The following CLEC17A variants were observed in gnomAD, a reference collection of about 807,000 sequenced individuals.
The protein encoded by CLEC17A is C-type lectin domain containing 17A.
Under a neutral mutation model 61.3 loss-of-function variants are expected in CLEC17A, and 37 were observed. The observed-to-expected ratio is 0.60, with a 90% CI of 0.46 to 0.79. CLEC17A has a LOEUF of 0.79. Among genes scored for constraint, CLEC17A ranks in the 30% least tolerant of loss-of-function variants. The pLI, the probability that CLEC17A is intolerant of heterozygous loss-of-function variation, is 0.00. For missense variants in CLEC17A, 418 were observed against 464.7 expected (o/e 0.90, Z 0.92); for synonymous variants, 168 against 164.9 (o/e 1.02, Z -0.14).
Position 14,608,622 on chromosome 19 carries a change from G to A in CLEC17A, c.1005-1442G>A, listed in dbSNP as rs536104429. 1.6e-4 allele frequency among the ~76,000 whole-genome samples: 24 copies of A among 149,356 alleles called. No individual in the cohort carries two copies. In the South Asian group the frequency reaches 4.9e-3, roughly 30 times the overall value. On this transcript the variant is annotated intron_variant, in intron 13 of 13. Coordinates refer to ENST00000417570, the MANE Select transcript of CLEC17A (RefSeq NM_001204118.2). ...GAAAAAAGGGAGGGTGGAAGGATGAGGAAGAATTTTTTTTTTTTTTTTTTT... is the reference window on the plus strand; with the variant it reads ...GAAAAAAGGGAGGGTGGAAGGATGAAGAAGAATTTTTTTTTTTTTTTTTTT...
intron 11 of CLEC17A, 55 bp from the exon 12 acceptor site, chr19:14,599,976 A>G (rs199743281): frequency 5.0e-6 from 8 of 1,599,182 alleles, no homozygotes; most frequent in East Asian, 4.5e-5. Context: ...ATGGCATACT[A>G]TGTACATGGC....
chr19:14,587,795 C>T (rs2074321044), intron 3 of CLEC17A, 104 bp downstream of exon 3: 1 of 1,552,928 alleles, frequency 6.4e-7, no homozygotes, highest in East Asian at 2.4e-5. Flanking sequence ...CCTCTCTACA[C>T]AGCCCATGCC....
chr19:14,583,294 C>G (rs1396480044), intron 1 of CLEC17A, 63 bp from the exon 2 acceptor site: 44 of 1,611,430 alleles, frequency 2.7e-5, no homozygotes, highest in Middle Eastern at 1.7e-4. Context: ...AGGCAGAGAC[C>G]AGGGCTTGAG....
In CLEC17A at chr19:14,583,216, C is replaced by A. The variant is rs1475386716; in HGVS notation, c.43+13C>A. 3 of 1,613,862 alleles carry A rather than the reference C, an allele frequency of 1.9e-6. No homozygotes were observed. The highest frequency in any genetic ancestry group is 1.7e-6 in the Non-Finnish European group (2 of 1,179,876). ...CCGGACCCACCAGGTAAGGCCCCGG[C>A]CAGGCTGGGGCTGGGGCCTAGGTGT... On this transcript the variant is annotated intron_variant, in intron 1 of 13. Transcript: ENST00000417570.
intron 13 of CLEC17A, among the ~76,000 whole-genome samples, chr19:14,608,110 G>A (rs960506253): frequency 6.6e-6 from 1 of 152,004 alleles, no homozygotes; most frequent in Non-Finnish European, 1.5e-5. Context: ...GAGCTCAAGC[G>A]ATCCACCCGC....
At chr19:14,595,789 T>C (rs2074529941) in intron 8 of CLEC17A, among the ~76,000 whole-genome samples, 1 of 150,598 alleles carries the variant, frequency 6.6e-6, no homozygotes, top group Non-Finnish European at 1.5e-5. Context: ...GTGGAAACAG[T>C]GATATGGTGG....
chr19:14,587,387 C>A (rs1309217020), intron 2 of CLEC17A, among the ~76,000 whole-genome samples: 5 of 152,078 alleles, frequency 3.3e-5, no homozygotes, highest in Admixed American at 1.3e-4. Flanking sequence ...CCTGGCTACC[C>A]CTTGTCATGT....
At chr19:14,591,005 G>A (rs150617031) in intron 3 of CLEC17A, among the ~76,000 whole-genome samples, 7,438 of 151,520 alleles carry the variant, frequency 0.049, 268 homozygotes, top group Non-Finnish European at 0.069. Context: ...GCCTATTTCT[G>A]CGTCTCTTTA....
chr19:14,596,809 TAA>T, intron 8 of CLEC17A, 65 bp from the exon 9 acceptor site: 1 of 1,549,630 alleles, frequency 6.5e-7, no homozygotes, highest in South Asian at 1.2e-5. Flanking sequence ...GACAAAGACT[TAA>T]GAGTCTCTTC....
At chr19:14,608,146 A>C in intron 13 of CLEC17A, among the ~76,000 whole-genome samples, 1 of 152,192 alleles carries the variant, frequency 6.6e-6, no homozygotes, top group East Asian at 1.9e-4. Context: ...TGCTGGGATG[A>C]CAGGCTTGAG....
intron 2 of CLEC17A, among the ~76,000 whole-genome samples, chr19:14,585,297 G>A (rs1356815233): frequency 3.3e-5 from 5 of 152,282 alleles, no homozygotes; most frequent in Non-Finnish European, 7.3e-5. Flanking sequence ...ACCCTCCCGA[G>A]TAGCTGGGGT....
At chr19:14,602,891 A>G (rs959866831) in intron 12 of CLEC17A, among the ~76,000 whole-genome samples, 2 of 151,964 alleles carry the variant, frequency 1.3e-5, no homozygotes. Flanking sequence ...GCCCACCACC[A>G]TGCCTGGCTA....
At chr19:14,597,040 G>A (rs767743865) in intron 9 of CLEC17A, 27 bp downstream of exon 9, 2 of 1,611,092 alleles carry the variant, frequency 1.2e-6, no homozygotes, top group Non-Finnish European at 1.7e-6. Flanking sequence ...AGGGACATGG[G>A]GAGAGATTGG....
chr19:14,599,706 C>T lies in CLEC17A; in HGVS notation c.647-11C>T. 1 of 1,607,286 alleles carries T rather than the reference C, an allele frequency of 6.2e-7. No individual in the cohort carries two copies. On this transcript the variant is annotated splice_polypyrimidine_tract_variant and intron_variant, in intron 10 of 13. Transcript: ENST00000417570. ...TCAGTCTGTAGCCCTCAAGCCCATC[C>T]CTTCTGACAGTGACTGGCATGGCAG...
chr19:14,583,137 C>G lies in CLEC17A; in HGVS notation c.-24C>G, dbSNP rs1252120354. On this transcript the variant is annotated 5_prime_UTR_variant, in exon 1 of 14. Coordinates refer to ENST00000417570, the MANE Select transcript of CLEC17A (RefSeq NM_001204118.2). ...AGAGGTTGCCAAGCCCTGGCTGCCA[C>G]TTGTCAGGTTCCCTGTGCTAGACAT... The G allele has an allele frequency of 6.2e-7, 1 of 1,613,976 alleles. No individual in the cohort carries two copies. Among genetic ancestry groups the G allele is most frequent in the Non-Finnish European group, 8.5e-7 (1 of 1,179,868 alleles).
In CLEC17A at chr19:14,609,933, G is replaced by A. The variant is rs374388185; in HGVS notation, c.1005-131G>A. ...CACTGTGCCCGGCTTACAGGTGTAA[G>A]GCTCCACACACGGCCTAATATGGGT... On this transcript the variant is annotated intron_variant, in intron 13 of 13. Coordinates refer to ENST00000417570, the MANE Select transcript of CLEC17A (RefSeq NM_001204118.2). 1.1e-3 allele frequency: 701 copies of A among 663,378 alleles called. 14 individuals carry two copies. In the South Asian group the frequency reaches 0.013, roughly 12 times the overall value. The allele number at this position is 663,378 out of a possible 1,614,324, so 41.1% of individuals were successfully genotyped here. A position where few individuals can be genotyped will look rare whatever the true frequency, so the allele number is the denominator to read the frequency against.
chr19:14,581,473 G>T (rs961988795), upstream of CLEC17A, among the ~76,000 whole-genome samples: 1 of 151,448 alleles, frequency 6.6e-6, no homozygotes, highest in Non-Finnish European at 1.5e-5. Flanking sequence ...ACAGGTGCCC[G>T]CTATCATGTC....
At chr19:14,595,407 C>A in intron 8 of CLEC17A, 92 bp downstream of exon 8, 1 of 1,424,210 alleles carries the variant, frequency 7.0e-7, no homozygotes, top group Non-Finnish European at 9.9e-7. Context: ...AGAGGAACTT[C>A]TCCTTTAAGA....
chr19:14,586,319 T>C (rs751910127), intron 2 of CLEC17A, among the ~76,000 whole-genome samples: 2 of 152,090 alleles, frequency 1.3e-5, no homozygotes, highest in Non-Finnish European at 1.5e-5. Flanking sequence ...AGATGGGGTT[T>C]CTCCATGTTG....
Sources: gnomAD v4.1 joint callset for allele counts (sites outside exome capture counted in the v4.1 genomes callset) on GRCh38, gnomAD v4.1.1 for gene constraint, MANE v1.5 for transcripts, NCBI Gene and HGNC (gene_info 2026-07-23, HGNC 2026-07-21) for gene names.